Variants in NUP35 observed in about 807,000 individuals in gnomAD.
The protein encoded by NUP35 is nucleoporin 35.
In NUP35, 25 loss-of-function variants were observed where a neutral mutation model predicts 41.5. The observed-to-expected ratio is 0.60, with a 90% confidence interval of 0.44 to 0.84. The LOEUF is 0.84. NUP35 is among the 40% of genes least tolerant of loss of function. The pLI is 0.00. For missense variants in NUP35, 396 were observed against 396.6 expected (o/e 1.00, Z 0.01); for synonymous variants, 149 against 130.7 (o/e 1.14, Z -0.96).
At position 183,160,888 on chromosome 2, in the gene NUP35, C is replaced by T. The variant is rs1685849473; in HGVS notation, c.904-166C>T. 10 of 488,868 alleles carry T rather than the reference C, an allele frequency of 2.0e-5. No individual in the cohort carries two copies. In the South Asian group the frequency reaches 2.4e-4, roughly 12 times the overall value. 30.3% of individuals were successfully genotyped at this position (488,868 alleles called of 1,614,324 possible). ...ACGAGGTCAGGAGATCGAGACCATC[C>T]TGGCTAACACGGTGAAACCCCGTCT... On this transcript the variant is annotated intron_variant, in intron 8 of 8. Transcript: ENST00000295119.
intron 4 of NUP35, among the ~76,000 whole-genome samples, chr2:183,151,040 A>G (rs1159176944): frequency 6.6e-6 from 1 of 152,230 alleles, no homozygotes; most frequent in Non-Finnish European, 1.5e-5. Context: ...TTCACATTTT[A>G]AGGGGTAAGG....
intron 4 of NUP35, among the ~76,000 whole-genome samples, chr2:183,141,049 G>T (rs568607088): frequency 1.3e-4 from 20 of 151,484 alleles, no homozygotes; most frequent in African/African-American, 4.8e-4. Context: ...CCCAAAGTCA[G>T]TTTCACTGGG....
chr2:183,131,916 G>A (rs1684708479), intron 3 of NUP35, among the ~76,000 whole-genome samples: 1 of 152,150 alleles, frequency 6.6e-6, no homozygotes, highest in Non-Finnish European at 1.5e-5. Flanking sequence ...GATAAGTAAA[G>A]CTTATGATTA....
upstream of NUP35, among the ~76,000 whole-genome samples, chr2:183,121,676 C>CAA (rs1206593701): frequency 6.8e-6 from 1 of 145,988 alleles, no homozygotes; most frequent in Non-Finnish European, 1.5e-5. Context: ...TACTAAAATT[C>CAA]AAAAAAAAAA....
intron 4 of NUP35, among the ~76,000 whole-genome samples, chr2:183,145,514 A>G (rs1414298691): frequency 6.6e-6 from 1 of 152,228 alleles, no homozygotes; most frequent in Non-Finnish European, 1.5e-5. Context: ...TGTTAAATGT[A>G]TTATAGGATG....
chr2:183,132,200 T>G (rs1015449047), intron 3 of NUP35, among the ~76,000 whole-genome samples: 5 of 152,096 alleles, frequency 3.3e-5, no homozygotes, highest in African/African-American at 1.2e-4. Context: ...CTTTTGTATT[T>G]TTTGTAGAGA....
At chr2:183,158,658 C>T (rs1385609494) in intron 7 of NUP35, among the ~76,000 whole-genome samples, 4 of 152,048 alleles carry the variant, frequency 2.6e-5, no homozygotes, top group African/African-American at 9.7e-5. Flanking sequence ...GCTTAAGTAA[C>T]TTGTCCAGAG....
chr2:183,154,248 T>G (rs1287663625), intron 5 of NUP35, among the ~76,000 whole-genome samples: 5 of 152,222 alleles, frequency 3.3e-5, no homozygotes, highest in Non-Finnish European at 7.3e-5. Flanking sequence ...TTCCCCATGC[T>G]CTTGGGCATT....
intron 4 of NUP35, among the ~76,000 whole-genome samples, chr2:183,136,626 G>A (rs981582964): frequency 2.0e-5 from 3 of 152,150 alleles, no homozygotes; most frequent in African/African-American, 7.2e-5. Context: ...TTCTGCTGGT[G>A]GTTAGAGCTC....
chr2:183,147,859 G>A (rs751972256), intron 4 of NUP35, among the ~76,000 whole-genome samples: 4 of 151,328 alleles, frequency 2.6e-5, no homozygotes, highest in African/African-American at 7.3e-5. Context: ...GTGCTTTGTA[G>A]TTCTCCTTGT....
intron 5 of NUP35, 98 bp from the exon 6 acceptor site, chr2:183,157,346 A>T: frequency 1.1e-6 from 1 of 895,554 alleles, no homozygotes; most frequent in African/African-American, 1.6e-5. Context: ...CGTTCTAGAC[A>T]GTTGGGGGCC....
chr2:183,159,282 T>C (rs967290998), intron 7 of NUP35, among the ~76,000 whole-genome samples: 2 of 152,184 alleles, frequency 1.3e-5, no homozygotes, highest in Admixed American at 1.3e-4. Flanking sequence ...TTGAGGTCAC[T>C]GAAGTGAGAT....
intron 6 of NUP35, 98 bp downstream of exon 6, chr2:183,157,611 C>T: frequency 1.2e-6 from 1 of 868,166 alleles, no homozygotes; most frequent in Non-Finnish European, 1.8e-6. Flanking sequence ...TTTTTTTAAA[C>T]TTAAATTTTT....
At chr2:183,137,303 T>C (rs989658385) in intron 4 of NUP35, among the ~76,000 whole-genome samples, 2 of 152,150 alleles carry the variant, frequency 1.3e-5, no homozygotes, top group African/African-American at 2.4e-5. Flanking sequence ...TATTCAGTTA[T>C]TTGAGTCATG....
chr2:183,123,375 G>C (rs1700096450), upstream of NUP35, among the ~76,000 whole-genome samples: 1 of 152,156 alleles, frequency 6.6e-6, no homozygotes, highest in African/African-American at 2.4e-5. Flanking sequence ...GTTAGGACTT[G>C]AACATAAATT....
At chr2:183,134,212 A>G (rs910757710) in intron 4 of NUP35, among the ~76,000 whole-genome samples, 2 of 152,222 alleles carry the variant, frequency 1.3e-5, no homozygotes, top group African/African-American at 4.8e-5. Context: ...ATCCCATCAA[A>G]TGTTTATTCA....
chr2:183,159,698 T>G (rs775609333), intron 8 of NUP35, 46 bp downstream of exon 8: 12 of 1,420,218 alleles, frequency 8.4e-6, no homozygotes, highest in Non-Finnish European at 1.2e-5. Flanking sequence ...AATGGCTGAG[T>G]GCATAGCATG....
chr2:183,140,233 A>AT (rs574327431), intron 4 of NUP35, among the ~76,000 whole-genome samples: 27 of 150,334 alleles, frequency 1.8e-4, no homozygotes, highest in African/African-American at 5.6e-4. Context: ...CTAGAGGAGA[A>AT]TTTTTTTTTT....
At chr2:183,158,217 A>G (rs1040854711) in intron 6 of NUP35, 66 bp from the exon 7 acceptor site, 91 of 1,137,442 alleles carry the variant, frequency 8.0e-5, no homozygotes, top group Non-Finnish European at 9.5e-5. Context: ...CCTATTTTCT[A>G]GTAGAATTCA....
Sources: gnomAD v4.1 joint callset for allele counts (sites outside exome capture counted in the v4.1 genomes callset) on GRCh38, gnomAD v4.1.1 for gene constraint, MANE v1.5 for transcripts, NCBI Gene and HGNC (gene_info 2026-07-23, HGNC 2026-07-21) for gene names.